FRMD3: variants seen among roughly 807,000 people sequenced by gnomAD.
FRMD3 encodes the protein FERM domain-containing protein 3.
FRMD3 carries 33 observed loss-of-function variants against 70.2 expected under a neutral mutation model. The observed-to-expected ratio is 0.47, with a 90% confidence interval of 0.36 to 0.63. The LOEUF is 0.63. Ranked by LOEUF, FRMD3 falls within the 20% of genes least tolerant of loss-of-function variation. The pLI is 0.00. For missense variants in FRMD3, 632 were observed against 711.4 expected, an observed-to-expected ratio of 0.89 and a Z score of 1.27; for synonymous variants, 279 against 255.9, an observed-to-expected ratio of 1.09 and a Z score of -0.86.
Position 83,461,209 on chromosome 9 carries a change from A to G in FRMD3, c.148-71501T>C, listed in dbSNP as rs78876915. On this transcript the variant is annotated intron_variant, in intron 1 of 13. Coordinates refer to ENST00000304195, the MANE Select transcript of FRMD3 (RefSeq NM_174938.6). The stretch of plus-strand genomic sequence containing the variant: ...GGGTCCTTAGACGTGGAAGAAGGGA[A>G]CAGAGGAGTTCACAATCAGAGGGAA... Among the ~76,000 whole-genome samples the G allele has an allele frequency of 7.0e-3, 1,061 of 152,336 alleles. 12 individuals are homozygous for G. Among genetic ancestry groups the G allele is most frequent in the African/African-American group, 0.024 (1,001 of 41,566 alleles).
chr9:83,570,524 G>C, the FRMD3 span, among the ~76,000 whole-genome samples: 3 of 152,190 alleles, frequency 2.0e-5, no homozygotes, highest in Non-Finnish European at 4.4e-5. Flanking sequence ...GATCCTCAGG[G>C]AGTCATATGC....
chr9:83,487,806 A>G (rs1828720920), intron 1 of FRMD3, among the ~76,000 whole-genome samples: 1 of 152,224 alleles, frequency 6.6e-6, no homozygotes, highest in South Asian at 2.1e-4. Context: ...AGAAGGCTTT[A>G]GAAGATGAAT....
the FRMD3 span, among the ~76,000 whole-genome samples, chr9:83,581,857 T>C: frequency 6.6e-6 from 1 of 152,202 alleles, no homozygotes; most frequent in African/African-American, 2.4e-5. Flanking sequence ...TGAATTCTTT[T>C]ATGTGAAATG....
chr9:83,344,274 A>G (rs1316682523), intron 4 of FRMD3, among the ~76,000 whole-genome samples: 2 of 152,198 alleles, frequency 1.3e-5, no homozygotes. Flanking sequence ...TTAACTCTCA[A>G]AAACCAATGT....
In FRMD3 at chr9:83,492,166, T is replaced by A. The variant is rs969886942; in HGVS notation, c.147+45919A>T. On this transcript the variant is annotated intron_variant, in intron 1 of 13. Coordinates refer to ENST00000304195, the MANE Select transcript of FRMD3 (RefSeq NM_174938.6). ...ATTCCAGGACACTTCAGCCCTACAT[T>A]CATTAATGTCCTAACAGAGGATGAT... is the stretch of plus-strand genomic sequence containing the variant. Among the ~76,000 whole-genome samples, 6 of 152,266 alleles carry A rather than the reference T, an allele frequency of 3.9e-5. No individual in the cohort carries two copies. In the East Asian group the frequency reaches 1.2e-3, roughly 29 times the overall value.
chr9:83,310,896 A>G (rs1429142198), intron 8 of FRMD3, among the ~76,000 whole-genome samples: 8 of 152,234 alleles, frequency 5.3e-5, no homozygotes, highest in African/African-American at 1.9e-4. Context: ...TTTCAGATTC[A>G]GTTAATGAAA....
At chr9:83,454,198 A>G (rs1827751509) in intron 1 of FRMD3, among the ~76,000 whole-genome samples, 1 of 152,190 alleles carries the variant, frequency 6.6e-6, no homozygotes, top group Non-Finnish European at 1.5e-5. Flanking sequence ...TAGGATTACA[A>G]TGTTAATTAT....
intron 12 of FRMD3, among the ~76,000 whole-genome samples, chr9:83,292,808 C>T (rs1834493604): frequency 6.6e-6 from 1 of 152,130 alleles, no homozygotes; most frequent in African/African-American, 2.4e-5. Context: ...CCACCATGCC[C>T]AGCTAATTTT....
the FRMD3 span, among the ~76,000 whole-genome samples, chr9:83,584,865 C>G: frequency 2.0e-5 from 3 of 152,120 alleles, no homozygotes; most frequent in Non-Finnish European, 4.4e-5. Flanking sequence ...TGAGGTGTCA[C>G]GCAGTGTTAG....
At chr9:83,336,803 C>G (rs1418540419) in intron 5 of FRMD3, among the ~76,000 whole-genome samples, 1 of 151,082 alleles carries the variant, frequency 6.6e-6, no homozygotes, top group East Asian at 1.9e-4. Flanking sequence ...TATTAGGTTT[C>G]CTACACCAAG....
intron 13 of FRMD3, chr9:83,267,299 C>A: frequency 6.9e-7 from 1 of 1,450,672 alleles, no homozygotes; most frequent in Non-Finnish European, 9.1e-7. Flanking sequence ...GAGGGATCAG[C>A]ATTGGGAGGG....
intron 1 of FRMD3, among the ~76,000 whole-genome samples, chr9:83,417,355 A>T (rs973630770): frequency 2.6e-5 from 4 of 152,180 alleles, no homozygotes; most frequent in Non-Finnish European, 5.9e-5. Context: ...TTCTAATGTA[A>T]ACTCACCTGT....
chr9:83,349,623 A>G, intron 4 of FRMD3, 56 bp downstream of exon 4: 2 of 1,305,008 alleles, frequency 1.5e-6, no homozygotes, highest in Non-Finnish European at 2.2e-6. Flanking sequence ...TGCAAGACCA[A>G]AGAGATTCTG....
Position 83,248,152 on chromosome 9 carries a change from C to T in FRMD3, c.1560G>A (p.Arg520=). The part of the protein sequence containing the change: ...WSYDILTGHI[R]VNPLVKSFSR... ...AAAAACTCTTGACCAGTGGGTTCAC[C>T]CGAATATGGCCAGTCAGAATGTCAT... Residue 520 remains arginine, a synonymous_variant, in exon 14 of 14, where the codon CGG becomes CGA. Coordinates refer to ENST00000304195, the MANE Select transcript of FRMD3 (RefSeq NM_174938.6). The T allele has an allele frequency of 6.2e-7, 1 of 1,614,196 alleles. No individual in the cohort carries two copies. Among genetic ancestry groups the T allele is most frequent in the South Asian group, 1.1e-5 (1 of 91,082 alleles).
chr9:83,340,388 T>C (rs1325775023), intron 5 of FRMD3, among the ~76,000 whole-genome samples: 1 of 152,192 alleles, frequency 6.6e-6, no homozygotes, highest in African/African-American at 2.4e-5. Context: ...CAACTCAAGA[T>C]CTAAGTGTTT....
intron 1 of FRMD3, among the ~76,000 whole-genome samples, chr9:83,417,071 C>T (rs1826479808): frequency 6.6e-6 from 1 of 152,292 alleles, no homozygotes; most frequent in East Asian, 1.9e-4. Context: ...ACCTTAACCA[C>T]CAGTAAACTT....
At chr9:83,562,124 C>T in the FRMD3 span, among the ~76,000 whole-genome samples, 1 of 152,162 alleles carries the variant, frequency 6.6e-6, no homozygotes, top group Non-Finnish European at 1.5e-5. Flanking sequence ...AGTGAACACT[C>T]ACAGAACGAG....
chr9:83,382,397 T>C (rs10512140), intron 2 of FRMD3, among the ~76,000 whole-genome samples: 46,107 of 152,166 alleles, frequency 0.3, 8,144 homozygotes, highest in Non-Finnish European at 0.4. Context: ...AAAGACCAGT[T>C]ACATAAATTG....
At chr9:83,508,435 GA>G (rs370162346) in intron 1 of FRMD3, among the ~76,000 whole-genome samples, 2,091 of 151,964 alleles carry the variant, frequency 0.014, 59 homozygotes, top group African/African-American at 0.048. Flanking sequence ...CGACTGTTTA[GA>G]AAAAAAAGTA....
Sources: gnomAD v4.1 joint callset for allele counts (sites outside exome capture counted in the v4.1 genomes callset) on GRCh38, gnomAD v4.1.1 for gene constraint, MANE v1.5 for transcripts, NCBI Gene and HGNC (gene_info 2026-07-23, HGNC 2026-07-21) for gene names.